The following KAT6B variants were observed in gnomAD, a reference collection of about 807,000 sequenced individuals.
KAT6B encodes lysine acetyltransferase 6B.
A neutral mutation model predicts 187.5 loss-of-function variants in KAT6B; 10 were observed. The ratio of observed to expected loss-of-function variants is 0.05; its 90% CI spans 0.03 to 0.09. KAT6B has a LOEUF of 0.09. Ranked by LOEUF, KAT6B falls within the 10% of genes least tolerant of loss-of-function variation. The probability of loss-of-function intolerance (pLI) is 1.00; values close to 1 mark genes in which losing one functional copy is unlikely to be tolerated. For missense variants in KAT6B, 1,952 were observed against 2,558.9 expected, an observed-to-expected ratio of 0.76 and a Z score of 5.12; for synonymous variants, 861 against 926.8, an observed-to-expected ratio of 0.93 and a Z score of 1.29.
intron 3 of KAT6B, among the ~76,000 whole-genome samples, chr10:74,886,914 G>A (rs926337380): frequency 9.2e-5 from 14 of 152,138 alleles, no homozygotes; most frequent in South Asian, 2.1e-4. Flanking sequence ...GGCCTGATAC[G>A]TGAGGTTTGG....
intron 3 of KAT6B, among the ~76,000 whole-genome samples, chr10:74,848,631 G>T (rs1029725346): frequency 6.6e-6 from 1 of 151,318 alleles, no homozygotes; most frequent in Non-Finnish European, 1.5e-5. Context: ...TCTTCTTCCA[G>T]TGTGGCCCAG....
At chr10:75,014,815 C>G (rs1291433924) in intron 13 of KAT6B, among the ~76,000 whole-genome samples, 1 of 152,164 alleles carries the variant, frequency 6.6e-6, no homozygotes, top group African/African-American at 2.4e-5. Flanking sequence ...ACTCAGTGAC[C>G]TCTAGCCAAA....
intron 3 of KAT6B, among the ~76,000 whole-genome samples, chr10:74,865,667 C>T (rs1213128774): frequency 6.6e-6 from 1 of 152,042 alleles, no homozygotes; most frequent in Non-Finnish European, 1.5e-5. Context: ...AGGCGTGCAC[C>T]ACCACGCCTG....
chr10:74,929,159 C>G (rs1460132284), intron 3 of KAT6B, among the ~76,000 whole-genome samples: 3 of 152,156 alleles, frequency 2.0e-5, no homozygotes, highest in East Asian at 1.9e-4. Flanking sequence ...CACCAAGATT[C>G]TTTTCCTCTT....
At chr10:75,000,827 C>T (rs370160786) in intron 13 of KAT6B, among the ~76,000 whole-genome samples, 3 of 152,120 alleles carry the variant, frequency 2.0e-5, no homozygotes, top group East Asian at 1.9e-4. Context: ...GCATTCACTT[C>T]GGGGAATTCC....
chr10:74,917,194 T>C (rs1589616833), intron 3 of KAT6B, among the ~76,000 whole-genome samples: 1 of 152,332 alleles, frequency 6.6e-6, no homozygotes, highest in African/African-American at 2.4e-5. Context: ...TTTGAAATAA[T>C]TTTAGATTTA....
At chr10:74,854,089 C>A (rs1001199734) in intron 3 of KAT6B, among the ~76,000 whole-genome samples, 3 of 152,210 alleles carry the variant, frequency 2.0e-5, no homozygotes, top group Non-Finnish European at 4.4e-5. Context: ...GAACCTGAAT[C>A]TTCTCAGGTA....
At chr10:74,826,376 G>C (rs148899682), upstream of KAT6B, among the ~76,000 whole-genome samples, 1 of 151,508 alleles carries the variant, frequency 6.6e-6, no homozygotes, top group Non-Finnish European at 1.5e-5. Flanking sequence ...CCCTCCCCCG[G>C]GGTGGTGCCG....
intron 13 of KAT6B, among the ~76,000 whole-genome samples, chr10:75,008,954 C>A (rs1844405535): frequency 6.6e-6 from 1 of 152,168 alleles, no homozygotes; most frequent in South Asian, 2.1e-4. Context: ...AATTCTGTAT[C>A]TCAATCTCCA....
intron 3 of KAT6B, among the ~76,000 whole-genome samples, chr10:74,876,342 T>C (rs1844416333): frequency 6.6e-6 from 1 of 152,202 alleles, no homozygotes; most frequent in Admixed American, 6.5e-5. Flanking sequence ...TCTTTGTGAC[T>C]GGCATTACTT....
At chr10:74,933,965 C>T (rs1167908503) in intron 3 of KAT6B, among the ~76,000 whole-genome samples, 2 of 151,992 alleles carry the variant, frequency 1.3e-5, no homozygotes, top group Non-Finnish European at 2.9e-5. Flanking sequence ...GCGGGCAGAT[C>T]GCCTGAGTTG....
intron 12 of KAT6B, among the ~76,000 whole-genome samples, chr10:74,985,466 C>T (rs1842750499): frequency 6.6e-6 from 1 of 152,222 alleles, no homozygotes; most frequent in Non-Finnish European, 1.5e-5. Context: ...CTTGATGACA[C>T]TCTAATTGCT....
intron 3 of KAT6B, among the ~76,000 whole-genome samples, chr10:74,896,354 G>A (rs1457979414): frequency 1.3e-5 from 2 of 152,028 alleles, no homozygotes; most frequent in Middle Eastern, 3.2e-3. Flanking sequence ...CAGTGGCACG[G>A]GATCTCGGCT....
chr10:74,867,725 C>T (rs1843653658), intron 3 of KAT6B, among the ~76,000 whole-genome samples: 2 of 152,096 alleles, frequency 1.3e-5, no homozygotes, highest in African/African-American at 2.4e-5. Flanking sequence ...ATTAAGGTAA[C>T]CTTTTGTCAT....
intron 14 of KAT6B, 105 bp downstream of exon 14, chr10:75,020,918 ACAGTATTAT>A: frequency 9.5e-7 from 1 of 1,048,902 alleles, no homozygotes; most frequent in Admixed American, 1.9e-5. Context: ...AGGTTCCCTA[ACAGTATTAT>A]CAAACCTTTT....
At chr10:75,007,417 A>G (rs1336299797) in intron 13 of KAT6B, among the ~76,000 whole-genome samples, 1 of 152,178 alleles carries the variant, frequency 6.6e-6, no homozygotes, top group Non-Finnish European at 1.5e-5. Context: ...AAGGAAAAGA[A>G]AGGGGTGAAG....
At position 75,028,583 on chromosome 10, in the gene KAT6B, G is replaced by T. The variant is rs988830424; in HGVS notation, c.3759G>T (p.Lys1253Asn). The change falls in exon 18 of 18, where the codon AAG becomes AAT. Residue 1253 changes from lysine (K) to asparagine (N), a missense_variant. By Grantham distance (94) the Lys-to-Asn change is moderately conservative. Coordinates refer to ENST00000287239, the MANE Select transcript of KAT6B (RefSeq NM_012330.4). ...KCKQVWPKGTKRGLSKWRQNK... is the reference protein window; with the variant it reads ...KCKQVWPKGTNRGLSKWRQNK... Reference sequence around the variant, plus strand: ...AACAAGTGTGGCCAAAAGGAACAAAGCGCGGTCTATCTAAGTGGAGGCAAA... The same window carrying T: ...AACAAGTGTGGCCAAAAGGAACAAATCGCGGTCTATCTAAGTGGAGGCAAA... The T allele has an allele frequency of 3.1e-6, 5 of 1,614,080 alleles. No individual in the cohort carries two copies. Among genetic ancestry groups the T allele is most frequent in the Non-Finnish European group, 4.2e-6 (5 of 1,180,058 alleles).
intron 16 of KAT6B, 104 bp from the exon 17 acceptor site, chr10:75,024,854 G>T: frequency 9.4e-7 from 1 of 1,060,970 alleles, no homozygotes; most frequent in Non-Finnish European, 1.4e-6. Flanking sequence ...AAGTCACCAC[G>T]TGTAAGATTC....
Position 74,960,089 on chromosome 10 carries a change from T to C in KAT6B, c.730+11T>C. On this transcript the variant is annotated intron_variant, in intron 4 of 17. Transcript: ENST00000287239. The stretch of plus-strand genomic sequence containing the variant: ...ATTGTGGCAGTAGTGGTAAGTTGTG[T>C]TTTTCCTATGTGTTGTACAATGACT... The C allele has an allele frequency of 6.6e-7, 1 of 1,511,472 alleles. No individual in the cohort carries two copies. Among genetic ancestry groups the C allele is most frequent in the Non-Finnish European group, 9.2e-7 (1 of 1,086,576 alleles). 93.6% of individuals were successfully genotyped at this position (1,511,472 alleles called of 1,614,324 possible). A position where few individuals can be genotyped will look rare whatever the true frequency, so the allele number is the denominator to read the frequency against.
Sources: gnomAD v4.1 joint callset for allele counts (sites outside exome capture counted in the v4.1 genomes callset) on GRCh38, gnomAD v4.1.1 for gene constraint, MANE v1.5 for transcripts, NCBI Gene and HGNC (gene_info 2026-07-23, HGNC 2026-07-21) for gene names.